DSCAM: variants seen among roughly 807,000 people sequenced by gnomAD.
DSCAM encodes DS cell adhesion molecule.
A neutral mutation model predicts 217.7 loss-of-function variants in DSCAM; 47 were observed. The ratio of observed to expected loss-of-function variants is 0.22; its 90% CI spans 0.17 to 0.28. DSCAM has a LOEUF of 0.28. Among genes scored for constraint, DSCAM ranks in the 10% least tolerant of loss-of-function variants. The probability of loss-of-function intolerance (pLI) is 1.00; values close to 1 mark genes in which losing one functional copy is unlikely to be tolerated. For missense variants in DSCAM, 2,080 were observed against 2,618.3 expected (o/e 0.79, Z 4.49); for synonymous variants, 1,056 against 1,015.3 (o/e 1.04, Z -0.76).
At chr21:40,586,208 C>G (rs1466451883) in intron 3 of DSCAM, among the ~76,000 whole-genome samples, 1 of 152,168 alleles carries the variant, frequency 6.6e-6, no homozygotes, top group African/African-American at 2.4e-5. Context: ...AGTGGCTCCC[C>G]TTTGCCTTCC....
chr21:40,710,070 T>C (rs1452818414), intron 1 of DSCAM, among the ~76,000 whole-genome samples: 1 of 152,246 alleles, frequency 6.6e-6, no homozygotes, highest in East Asian at 1.9e-4. Context: ...TGGCTTTGAT[T>C]TGCATTTCTC....
At chr21:40,339,449 C>T (rs1167298824) in intron 6 of DSCAM, 34 bp from the exon 7 acceptor site, 1 of 1,544,382 alleles carries the variant, frequency 6.5e-7, no homozygotes, top group East Asian at 2.3e-5. Context: ...GAAAGTGGCA[C>T]ATACAAATAA....
chr21:40,141,652 G>T (rs2090291815), intron 18 of DSCAM, among the ~76,000 whole-genome samples: 1 of 152,080 alleles, frequency 6.6e-6, no homozygotes, highest in Admixed American at 6.5e-5. Context: ...AAGAGGGAAG[G>T]TACTGTCCAG....
At chr21:40,049,015 G>T (rs1166822318) in intron 30 of DSCAM, among the ~76,000 whole-genome samples, 1 of 152,216 alleles carries the variant, frequency 6.6e-6, no homozygotes, top group Non-Finnish European at 1.5e-5. Flanking sequence ...AGAGGGTTCT[G>T]CAAATGCTAA....
chr21:40,463,331 A>G (rs971201606), intron 3 of DSCAM, among the ~76,000 whole-genome samples: 1 of 152,166 alleles, frequency 6.6e-6, no homozygotes, highest in Admixed American at 6.5e-5. Context: ...AATAACAACT[A>G]TGCCCAGTGC....
At chr21:40,655,394 T>C (rs1227816746) in intron 3 of DSCAM, among the ~76,000 whole-genome samples, 1 of 151,916 alleles carries the variant, frequency 6.6e-6, no homozygotes, top group Non-Finnish European at 1.5e-5. Flanking sequence ...AGCTGCACCT[T>C]TACATGGGAG....
chr21:40,569,353 T>C (rs1425874512), intron 3 of DSCAM, among the ~76,000 whole-genome samples: 1 of 152,226 alleles, frequency 6.6e-6, no homozygotes, highest in Non-Finnish European at 1.5e-5. Context: ...GGTTATTGTG[T>C]AGGTGTGGTT....
intron 11 of DSCAM, among the ~76,000 whole-genome samples, chr21:40,204,466 T>C (rs942121067): frequency 2.0e-5 from 3 of 152,338 alleles, no homozygotes; most frequent in South Asian, 4.1e-4. Context: ...AAAATAAATA[T>C]ACAACTATAT....
At chr21:40,655,679 C>G (rs73218245) in intron 3 of DSCAM, among the ~76,000 whole-genome samples, 28,776 of 151,896 alleles carry the variant, frequency 0.19, 2,831 homozygotes, top group East Asian at 0.26. Context: ...TCATGAACTC[C>G]TGGATGCAAG....
intron 3 of DSCAM, among the ~76,000 whole-genome samples, chr21:40,549,862 A>C (rs1571727): frequency 0.57 from 85,946 of 152,022 alleles, 24,633 homozygotes; most frequent in South Asian, 0.62. Flanking sequence ...AACTACCAGT[A>C]TCTAAGCTGA....
At chr21:40,335,180 T>C (rs774900056) in intron 8 of DSCAM, among the ~76,000 whole-genome samples, 1 of 152,118 alleles carries the variant, frequency 6.6e-6, no homozygotes, top group African/African-American at 2.4e-5. Context: ...TTCCCGACTA[T>C]TCTGAAAAAT....
chr21:40,085,558 T>A, intron 23 of DSCAM, 44 bp downstream of exon 23: 1 of 1,415,698 alleles, frequency 7.1e-7, no homozygotes, highest in Non-Finnish European at 9.4e-7. Context: ...ATAGAAAGCA[T>A]ACATGTAAAA....
intron 1 of DSCAM, among the ~76,000 whole-genome samples, chr21:40,813,155 T>C (rs1013589195): frequency 6.6e-6 from 1 of 151,762 alleles, no homozygotes; most frequent in African/African-American, 2.4e-5. Context: ...TCCTAAAGAG[T>C]ATAATAGAGA....
chr21:40,422,773 A>G (rs1480039010), intron 3 of DSCAM, among the ~76,000 whole-genome samples: 1 of 152,328 alleles, frequency 6.6e-6, no homozygotes, highest in East Asian at 1.9e-4. Flanking sequence ...CAGCCACAAA[A>G]CCAAAATCTC....
chr21:40,821,528 G>C (rs7277601), intron 1 of DSCAM, among the ~76,000 whole-genome samples: 59,866 of 151,790 alleles, frequency 0.39, 12,200 homozygotes, highest in African/African-American at 0.48. Context: ...AAGCCCTCCC[G>C]AAGTACAGTT....
At chr21:40,391,597 A>G (rs2075134486) in intron 3 of DSCAM, among the ~76,000 whole-genome samples, 1 of 152,128 alleles carries the variant, frequency 6.6e-6, no homozygotes. Context: ...CATACTGTGG[A>G]GTTTTTCTAC....
intron 11 of DSCAM, among the ~76,000 whole-genome samples, chr21:40,229,449 T>C (rs1485456504): frequency 2.6e-5 from 4 of 152,220 alleles, no homozygotes; most frequent in Admixed American, 6.5e-5. Context: ...ATATTCATGG[T>C]TGCATTATCA....
intron 3 of DSCAM, among the ~76,000 whole-genome samples, chr21:40,671,257 G>A (rs1164878002): frequency 6.6e-6 from 1 of 152,176 alleles, no homozygotes; most frequent in Non-Finnish European, 1.5e-5. Flanking sequence ...AGAGATCAAA[G>A]AGAGAAAAAG....
At chr21:40,214,468 T>C (rs2091220220) in intron 11 of DSCAM, among the ~76,000 whole-genome samples, 1 of 152,238 alleles carries the variant, frequency 6.6e-6, no homozygotes, top group African/African-American at 2.4e-5. Flanking sequence ...ATTGTTAGCA[T>C]TCCTTTTCCA....
Sources: allele counts gnomAD v4.1 joint callset (sites outside exome capture counted in the v4.1 genomes callset), GRCh38; gene constraint gnomAD v4.1.1; transcripts MANE v1.5; gene names NCBI Gene and HGNC (gene_info 2026-07-23, HGNC 2026-07-21).